The following OR1K1 variants were observed in gnomAD, a reference collection of about 807,000 sequenced individuals.
OR1K1 encodes the protein olfactory receptor 1K1.
For missense variants in OR1K1, 409 were observed against 407.9 expected, an observed-to-expected ratio of 1.00 and a Z score of -0.02; for synonymous variants, 168 against 178.2, an observed-to-expected ratio of 0.94 and a Z score of 0.46.
chr9:122,800,617 T>C lies in OR1K1; in HGVS notation c.495T>C (p.Ala165=). The C allele has an allele frequency of 1.2e-6, 2 of 1,613,970 alleles. No individual in the cohort carries two copies. The highest frequency in any genetic ancestry group is 1.7e-6 in the Non-Finnish European group (2 of 1,180,036). Residue 165 remains alanine (A), a synonymous_variant, in exon 1 of 1, where the codon GCT becomes GCC. Transcript: ENST00000277309. ...VHSLLYILLM[A]RLSFCASHQV... ...CCCTCCTGTATATCCTGCTCATGGC[T>C]CGCTTGTCCTTCTGTGCTTCCCACC...
In OR1K1 at chr9:122,800,501, A is replaced by G; in HGVS notation, c.379A>G (p.Ile127Val). 6.2e-7 allele frequency: 1 copy of G among 1,611,684 alleles called. No homozygotes were observed. The highest frequency in any genetic ancestry group is 8.5e-7 in the Non-Finnish European group (1 of 1,179,998). ...AAMAYDCYVA[I>V]RHPLPYATRM... ...CATGGCCTATGACTGCTACGTGGCC[A>G]TCCGGCACCCCCTCCCCTATGCCAC... is the stretch of plus-strand genomic sequence containing the variant. Residue 127 changes from isoleucine to valine, a missense_variant, in exon 1 of 1, where the codon ATC becomes GTC. Transcript: ENST00000277309.
chr9:122,800,385 C>T lies in OR1K1; in HGVS notation c.263C>T (p.Ala88Val), dbSNP rs778168971. The T allele has an allele frequency of 1.5e-5, 25 of 1,613,962 alleles. 1 individual carries two copies. In the Middle Eastern group the frequency reaches 1.8e-3, roughly 117 times the overall value. Residue 88 changes from alanine (A) to valine (V), a missense_variant, in exon 1 of 1, where the codon GCC becomes GTC. Transcript: ENST00000277309. ...CCCAAGATGTTGGCCAACTTGTTGG[C>T]CCATGACCACTCCATCTCGCTGGCT... is the stretch of plus-strand genomic sequence containing the variant. Reference protein sequence around the residue: ...TVPKMLANLLAHDHSISLAGC... With the variant: ...TVPKMLANLLVHDHSISLAGC...
In OR1K1 at chr9:122,800,161, C is replaced by T. The variant is rs558352646; in HGVS notation, c.39C>T (p.Phe13=). ...ATGAGTCTTCAGAGGGAATCTCATT[C>T]GTTTTATTGGGACTGACAACAAGTC... ...AANESSEGIS[F]VLLGLTTSPG... The change falls in exon 1 of 1, where the codon TTC becomes TTT. Residue 13 remains phenylalanine (F), a synonymous_variant. Coordinates refer to ENST00000277309, the MANE Select transcript of OR1K1 (RefSeq NM_080859.1). The T allele has an allele frequency of 1.2e-5, 19 of 1,613,116 alleles. No individual in the cohort carries two copies. In the African/African-American group the frequency reaches 1.3e-4, roughly 11 times the overall value.
Position 122,800,316 on chromosome 9 carries a change from C to T in OR1K1, c.194C>T (p.Ala65Val), listed in dbSNP as rs917034618. 3.1e-6 allele frequency: 5 copies of T among 1,614,176 alleles called. No individual in the cohort carries two copies. The highest frequency in any genetic ancestry group is 1.3e-5 in the African/African-American group (1 of 75,044). ...ALHAPMYFLL[A>V]HLSFADLCFA... ...CATGCACCCATGTACTTCCTGCTGG[C>T]CCACCTGTCCTTTGCTGACCTCTGC... is the stretch of plus-strand genomic sequence containing the variant. The change falls in exon 1 of 1, where the codon GCC becomes GTC. Residue 65 changes from alanine (A) to valine (V), a missense_variant. Transcript: ENST00000277309.
rs200246499 is a variant in OR1K1, at chr9:122,800,753, C to A, written c.631C>A (p.Pro211Thr). The A allele has an allele frequency of 6.2e-7, 1 of 1,614,064 alleles. No individual in the cohort carries two copies. The highest frequency in any genetic ancestry group is 8.5e-7 in the Non-Finnish European group (1 of 1,180,036). Residue 211 changes from proline to threonine, a missense_variant, in exon 1 of 1, where the codon CCC becomes ACC. Pro to Thr is a conservative substitution (Grantham distance 38, BLOSUM62 -1). Coordinates refer to ENST00000277309, the MANE Select transcript of OR1K1 (RefSeq NM_080859.1). ...CGAGGGCGCCGCAGTGGTGGTCACT[C>A]CCTTCCTGCTCATCCTCGCCTCCTA... Reference protein sequence around the residue: ...FTEGAAVVVTPFLLILASYGA... With the variant: ...FTEGAAVVVTTFLLILASYGA...
rs781701473 is a variant in OR1K1 at position 122,800,967 on chromosome 9, T to C, written c.845T>C (p.Val282Ala). The C allele has an allele frequency of 6.2e-7, 1 of 1,614,172 alleles. No individual in the cohort carries two copies. The highest frequency in any genetic ancestry group is 8.5e-7 in the Non-Finnish European group (1 of 1,180,030). Reference protein sequence around the residue: ...GRVATVMYTVVTPMLNPIIYS... With the variant: ...GRVATVMYTVATPMLNPIIYS... The stretch of plus-strand genomic sequence containing the variant: ...GTGGCCACTGTCATGTACACTGTAG[T>C]CACCCCCATGCTGAACCCCATCATC... The change falls in exon 1 of 1, where the codon GTC (valine) becomes GCC (alanine). Residue 282 changes from valine (V) to alanine (A), a missense_variant. Physicochemically the swap from Val to Ala is moderately conservative, Grantham distance 64. Coordinates refer to ENST00000277309, the MANE Select transcript of OR1K1 (RefSeq NM_080859.1).
rs148103972 is a variant in OR1K1, at chr9:122,800,403, C to T, written c.281C>T (p.Ser94Leu). 156 of 1,613,876 alleles carry T rather than the reference C, an allele frequency of 9.7e-5. No individual in the cohort carries two copies. In the African/African-American group the frequency reaches 1.7e-3, roughly 18 times the overall value. ...TTGTTGGCCCATGACCACTCCATCT[C>T]GCTGGCTGGCTGCCTGACCCAAATG... is the stretch of plus-strand genomic sequence containing the variant. ...ANLLAHDHSI[S>L]LAGCLTQMYF... The change falls in exon 1 of 1, where the codon TCG becomes TTG. Residue 94 changes from serine to leucine, a missense_variant. Transcript: ENST00000277309.
Position 122,800,527 on chromosome 9 carries a change from G to A in OR1K1, c.405G>A (p.Thr135=), listed in dbSNP as rs1178960041. The change falls in exon 1 of 1, where the codon ACG becomes ACA. Residue 135 remains threonine, a synonymous_variant. Coordinates refer to ENST00000277309, the MANE Select transcript of OR1K1 (RefSeq NM_080859.1). Reference sequence around the variant, plus strand: ...TCCGGCACCCCCTCCCCTATGCCACGAGGATGTCCCGGGCCATGTGCGCAG... The same window carrying A: ...TCCGGCACCCCCTCCCCTATGCCACAAGGATGTCCCGGGCCATGTGCGCAG... ...VAIRHPLPYA[T]RMSRAMCAAL... is the part of the protein sequence containing the mutation. 15 of 1,612,264 alleles carry A rather than the reference G, an allele frequency of 9.3e-6. No individual in the cohort carries two copies. The highest frequency in any genetic ancestry group is 4.0e-5 in the African/African-American group (3 of 74,926).
chr9:122,800,890 C>A lies in OR1K1; in HGVS notation c.768C>A (p.Val256=). ...TGGTGAGCCTCTTCTATGGGACAGT[C>A]ATTGCAGTCTACTTCCAGGCCACAT... The part of the protein sequence containing the change: ...LAVVSLFYGT[V]IAVYFQATSR... Residue 256 remains valine (V), a synonymous_variant, in exon 1 of 1, where the codon GTC becomes GTA. Transcript: ENST00000277309. 1 of 1,614,116 alleles carries A rather than the reference C, an allele frequency of 6.2e-7. No homozygotes were observed. Among genetic ancestry groups the A allele is most frequent in the South Asian group, 1.1e-5 (1 of 91,068 alleles).
chr9:122,800,279 A>C lies in OR1K1; in HGVS notation c.157A>C (p.Ser53Arg). ...NGLIVAAIQA[S>R]PALHAPMYFL... is the part of the protein sequence containing the mutation. ...ACTCATTGTGGCTGCCATCCAGGCC[A>C]GTCCAGCCCTTCATGCACCCATGTA... Residue 53 changes from serine to arginine, a missense_variant, in exon 1 of 1, where the codon AGT (serine) becomes CGT (arginine). By Grantham distance (110) the Ser-to-Arg change is moderately radical (BLOSUM62 -1). Coordinates refer to ENST00000277309, the MANE Select transcript of OR1K1 (RefSeq NM_080859.1). 1 of 1,614,222 alleles carries C rather than the reference A, an allele frequency of 6.2e-7. No individual in the cohort carries two copies. Among genetic ancestry groups the C allele is most frequent in the East Asian group, 2.2e-5 (1 of 44,882 alleles).
rs1455685356 is a variant in OR1K1, at chr9:122,801,066, A to C, written c.944A>C (p.Asp315Ala). 6.3e-7 allele frequency: 1 copy of C among 1,599,818 alleles called. No homozygotes were observed. Among genetic ancestry groups the C allele is most frequent in the East Asian group, 2.2e-5 (1 of 44,808 alleles). Reference protein sequence around the residue: ...LLIGRRISASDS With the variant: ...LLIGRRISASAS The stretch of plus-strand genomic sequence containing the variant: ...ATTGGGCGAAGGATCTCAGCTAGTG[A>C]CTCCTGAGGGCAGGACCCCACTGAG... Residue 315 changes from aspartate to alanine, a missense_variant, in exon 1 of 1, where the codon GAC (aspartate) becomes GCC (alanine). Asp to Ala is a moderately radical substitution (Grantham distance 126). Coordinates refer to ENST00000277309, the MANE Select transcript of OR1K1 (RefSeq NM_080859.1).
rs774642792 is a variant in OR1K1 at position 122,801,005 on chromosome 9, A to T, written c.883A>T (p.Asn295Tyr). Reference protein sequence around the residue: ...MLNPIIYSLWNRDVQGALRAL... With the variant: ...MLNPIIYSLWYRDVQGALRAL... ...GAACCCCATCATCTACAGCCTCTGGAATCGCGATGTACAGGGGGCACTCCG... is the reference window on the plus strand; with the variant it reads ...GAACCCCATCATCTACAGCCTCTGGTATCGCGATGTACAGGGGGCACTCCG... The change falls in exon 1 of 1, where the codon AAT (asparagine) becomes TAT (tyrosine). Residue 295 changes from asparagine to tyrosine, a missense_variant. Physicochemically the swap from Asn to Tyr is moderately radical, Grantham distance 143. Transcript: ENST00000277309. The T allele has an allele frequency of 6.2e-7, 1 of 1,613,988 alleles. No individual in the cohort carries two copies. The highest frequency in any genetic ancestry group is 8.5e-7 in the Non-Finnish European group (1 of 1,180,004).
At position 122,800,442 on chromosome 9, in the gene OR1K1, C is replaced by T; in HGVS notation, c.320C>T (p.Ala107Val). The T allele has an allele frequency of 6.2e-7, 1 of 1,612,570 alleles. No individual in the cohort carries two copies. The highest frequency in any genetic ancestry group is 1.1e-5 in the South Asian group (1 of 91,082). Residue 107 changes from alanine (A) to valine (V), a missense_variant, in exon 1 of 1, where the codon GCC (alanine) becomes GTC (valine). Physicochemically the swap from Ala to Val is moderately conservative, Grantham distance 64 (BLOSUM62 0). Transcript: ENST00000277309. ...CTGACCCAAATGTACTTCTTCTTTGCCCTGGGGGTAACTGATAGCTGTCTT... is the reference window on the plus strand; with the variant it reads ...CTGACCCAAATGTACTTCTTCTTTGTCCTGGGGGTAACTGATAGCTGTCTT... ...GCLTQMYFFF[A>V]LGVTDSCLLA...
In OR1K1 at chr9:122,800,165, T is replaced by C. The variant is rs1022315423; in HGVS notation, c.43T>C (p.Leu15=). The change falls in exon 1 of 1, where the codon TTA becomes CTA. Residue 15 remains leucine, a synonymous_variant. Transcript: ENST00000277309. The part of the protein sequence containing the change: ...NESSEGISFV[L]LGLTTSPGQQ... ...GTCTTCAGAGGGAATCTCATTCGTTTTATTGGGACTGACAACAAGTCCTGG... is the reference window on the plus strand; with the variant it reads ...GTCTTCAGAGGGAATCTCATTCGTTCTATTGGGACTGACAACAAGTCCTGG... The C allele has an allele frequency of 3.1e-6, 5 of 1,613,696 alleles. No individual in the cohort carries two copies. The highest frequency in any genetic ancestry group is 4.2e-6 in the Non-Finnish European group (5 of 1,179,822).
chr9:122,800,336 C>T lies in OR1K1; in HGVS notation c.214C>T (p.Leu72Phe), dbSNP rs759762218. Residue 72 changes from leucine to phenylalanine, a missense_variant, in exon 1 of 1, where the codon CTC (leucine) becomes TTC (phenylalanine). Physicochemically the swap from Leu to Phe is conservative, Grantham distance 22 (BLOSUM62 0). Transcript: ENST00000277309. The part of the protein sequence containing the change: ...FLLAHLSFAD[L>F]CFASVTVPKM... ...GCTGGCCCACCTGTCCTTTGCTGAC[C>T]TCTGCTTCGCCTCCGTCACTGTGCC... 3.1e-6 allele frequency: 5 copies of T among 1,614,208 alleles called. No homozygotes were observed. The South Asian group carries it at 4.4e-5, about 14-fold the overall frequency.
At position 122,800,285 on chromosome 9, in the gene OR1K1, GC is replaced by G. The variant is rs752021229; in HGVS notation, c.166del (p.Leu56PhefsTer44). 8.7e-6 allele frequency: 14 copies of G among 1,614,062 alleles called. No homozygotes were observed. The highest frequency in any genetic ancestry group is 1.2e-5 in the Non-Finnish European group (14 of 1,180,030). On this transcript the variant is annotated frameshift_variant, in exon 1 of 1. Coordinates refer to ENST00000277309, the MANE Select transcript of OR1K1 (RefSeq NM_080859.1). LOFTEE classifies it low-confidence loss of function (END_TRUNC). ...LIVAAIQASP[A>X]LHAPMYFLLA... is the part of the protein sequence containing the mutation. The stretch of plus-strand genomic sequence containing the variant: ...TGTGGCTGCCATCCAGGCCAGTCCA[GC>G]CCTTCATGCACCCATGTACTTCCTG...
rs143894111 is a variant in OR1K1, at chr9:122,800,504, C to T, written c.382C>T (p.Arg128Trp). 38 of 1,611,638 alleles carry T rather than the reference C, an allele frequency of 2.4e-5. No individual in the cohort carries two copies. The highest frequency in any genetic ancestry group is 5.0e-5 in the Admixed American group (3 of 60,018). Residue 128 changes from arginine to tryptophan, a missense_variant, in exon 1 of 1, where the codon CGG becomes TGG. By Grantham distance (101) the Arg-to-Trp change is moderately radical (BLOSUM62 -3). Coordinates refer to ENST00000277309, the MANE Select transcript of OR1K1 (RefSeq NM_080859.1). ...GGCCTATGACTGCTACGTGGCCATCCGGCACCCCCTCCCCTATGCCACGAG... is the reference window on the plus strand; with the variant it reads ...GGCCTATGACTGCTACGTGGCCATCTGGCACCCCCTCCCCTATGCCACGAG... ...AMAYDCYVAI[R>W]HPLPYATRMS...
rs1292795381 is a variant in OR1K1, at chr9:122,800,714, C to G, written c.592C>G (p.Leu198Val). ...LSCSDTHHIQ[L>V]LIFTEGAAVV... Reference sequence around the variant, plus strand: ...GTGCTCTGACACCCACCACATCCAGCTGCTCATCTTCACCGAGGGCGCCGC... The same window carrying G: ...GTGCTCTGACACCCACCACATCCAGGTGCTCATCTTCACCGAGGGCGCCGC... The change falls in exon 1 of 1, where the codon CTG (leucine) becomes GTG (valine). Residue 198 changes from leucine (L) to valine (V), a missense_variant. Leu to Val is a conservative substitution (Grantham distance 32, BLOSUM62 1). Transcript: ENST00000277309. 1 of 1,614,066 alleles carries G rather than the reference C, an allele frequency of 6.2e-7. No homozygotes were observed. The highest frequency in any genetic ancestry group is 1.7e-5 in the Admixed American group (1 of 60,010).
Position 122,800,437 on chromosome 9 carries a change from C to A in OR1K1, c.315C>A (p.Phe105Leu), listed in dbSNP as rs150655492. The change falls in exon 1 of 1, where the codon TTC becomes TTA. Residue 105 changes from phenylalanine (F) to leucine (L), a missense_variant. By Grantham distance (22) the Phe-to-Leu change is conservative. Transcript: ENST00000277309. ...GCTGCCTGACCCAAATGTACTTCTT[C>A]TTTGCCCTGGGGGTAACTGATAGCT... ...LAGCLTQMYF[F>L]FALGVTDSCL... The A allele has an allele frequency of 1.2e-6, 2 of 1,612,844 alleles. No homozygotes were observed.
Sources: gnomAD v4.1 joint callset for allele counts on GRCh38, gnomAD v4.1.1 for gene constraint, MANE v1.5 for transcripts, NCBI Gene and HGNC (gene_info 2026-07-23, HGNC 2026-07-21) for gene names.